CNTN5: variants seen among roughly 807,000 people sequenced by gnomAD.
The protein encoded by CNTN5 is contactin-5.
In CNTN5, 77 loss-of-function variants were observed where a neutral mutation model predicts 129.1. The ratio of observed to expected loss-of-function variants is 0.60; its 90% CI spans 0.50 to 0.72. CNTN5 has a LOEUF of 0.72. Among genes scored for constraint, CNTN5 ranks in the 30% least tolerant of loss-of-function variants. CNTN5 has a pLI of 0.00. For missense variants in CNTN5, 1,478 were observed against 1,328.8 expected (o/e 1.11, Z -1.75); for synonymous variants, 509 against 465.6 (o/e 1.09, Z -1.20).
chr11:99,393,725 T>G (rs1320447734), intron 2 of CNTN5, among the ~76,000 whole-genome samples: 6 of 151,804 alleles, frequency 4.0e-5, no homozygotes, highest in East Asian at 1.9e-4. Context: ...AGAATTCCAT[T>G]TTTGTAAAAC....
intron 2 of CNTN5, among the ~76,000 whole-genome samples, chr11:99,524,716 T>C (rs941841173): frequency 6.6e-6 from 1 of 151,906 alleles, no homozygotes; most frequent in African/African-American, 2.4e-5. Flanking sequence ...GGAACAAGAA[T>C]TGTGTGAACC....
chr11:99,142,393 G>A (rs1397148464), intron 1 of CNTN5, among the ~76,000 whole-genome samples: 3 of 152,142 alleles, frequency 2.0e-5, no homozygotes, highest in Non-Finnish European at 2.9e-5. Flanking sequence ...GCAGCAGGGG[G>A]AATCTGCAGG....
chr11:99,203,664 A>G (rs1192727895), intron 1 of CNTN5, among the ~76,000 whole-genome samples: 1 of 151,856 alleles, frequency 6.6e-6, no homozygotes, highest in Admixed American at 6.6e-5. Flanking sequence ...ATCTCGGCTC[A>G]CTGCAACCTC....
intron 3 of CNTN5, among the ~76,000 whole-genome samples, chr11:99,758,401 A>G (rs1944471618): frequency 6.6e-6 from 1 of 152,098 alleles, no homozygotes; most frequent in Non-Finnish European, 1.5e-5. Context: ...CGTATAACAT[A>G]TAAAGCATTA....
intron 6 of CNTN5, among the ~76,000 whole-genome samples, chr11:99,911,074 A>G (rs1438384143): frequency 1.3e-5 from 2 of 152,104 alleles, no homozygotes; most frequent in African/African-American, 4.8e-5. Context: ...AATCTTTCAT[A>G]TAATATATAT....
chr11:100,210,547 G>C (rs1949010566), intron 15 of CNTN5, among the ~76,000 whole-genome samples: 1 of 144,544 alleles, frequency 6.9e-6, no homozygotes, highest in South Asian at 2.6e-4. Flanking sequence ...AAAGATATTT[G>C]AAGATAAAAA....
chr11:99,069,261 TA>T (rs1219250354), intron 1 of CNTN5, among the ~76,000 whole-genome samples: 1 of 152,106 alleles, frequency 6.6e-6, no homozygotes, highest in Non-Finnish European at 1.5e-5. Flanking sequence ...ATTTTTGCTG[TA>T]ACTCTTTATA....
intron 3 of CNTN5, among the ~76,000 whole-genome samples, chr11:99,588,651 A>G (rs1949884378): frequency 6.6e-6 from 1 of 152,174 alleles, no homozygotes; most frequent in Non-Finnish European, 1.5e-5. Context: ...ACGTTAAAGT[A>G]AAAGGAAAAT....
chr11:100,059,962 A>G (rs1204529758), intron 9 of CNTN5, among the ~76,000 whole-genome samples: 4 of 152,090 alleles, frequency 2.6e-5, no homozygotes, highest in African/African-American at 9.7e-5. Context: ...TAATCCCAGC[A>G]CTTTGGGAGG....
chr11:100,294,120 G>T (rs977451680), intron 18 of CNTN5, among the ~76,000 whole-genome samples: 1 of 151,494 alleles, frequency 6.6e-6, no homozygotes, highest in African/African-American at 2.4e-5. Context: ...CCCAGGTCTC[G>T]AAAAGAGCTG....
chr11:99,902,242 G>GTTTTTTT (rs35494270), intron 6 of CNTN5, among the ~76,000 whole-genome samples: 1 of 143,720 alleles, frequency 7.0e-6, no homozygotes, highest in African/African-American at 2.6e-5. Flanking sequence ...AAGCTAAGGA[G>GTTTTTTT]TTTTTTTTTT....
intron 16 of CNTN5, among the ~76,000 whole-genome samples, chr11:100,232,436 A>C (rs151172336): frequency 6.6e-6 from 1 of 152,302 alleles, no homozygotes; most frequent in African/African-American, 2.4e-5. Context: ...CTTGGAAGTA[A>C]ATGATGGCCT....
intron 1 of CNTN5, among the ~76,000 whole-genome samples, chr11:99,123,773 A>G (rs1336575756): frequency 6.6e-6 from 1 of 151,870 alleles, no homozygotes; most frequent in Non-Finnish European, 1.5e-5. Flanking sequence ...ATGGCTAGCC[A>G]GTTATCCTAG....
chr11:99,454,945 C>T (rs1277257111), intron 2 of CNTN5, among the ~76,000 whole-genome samples: 1 of 151,796 alleles, frequency 6.6e-6, no homozygotes, highest in African/African-American at 2.4e-5. Flanking sequence ...AAGCATTGAG[C>T]CAACACAAAG....
At chr11:100,271,039 T>C (rs911612160) in intron 17 of CNTN5, 53 bp from the exon 18 acceptor site, 28 of 1,407,458 alleles carry the variant, frequency 2.0e-5, no homozygotes, top group Non-Finnish European at 2.5e-5. Flanking sequence ...GATTGCCATT[T>C]GTAGCATTTT....
At chr11:99,771,145 A>G (rs1201671347) in intron 3 of CNTN5, among the ~76,000 whole-genome samples, 2 of 152,046 alleles carry the variant, frequency 1.3e-5, no homozygotes, top group Non-Finnish European at 2.9e-5. Flanking sequence ...TTTTCTTGTT[A>G]AATTCTTGGG....
intron 3 of CNTN5, among the ~76,000 whole-genome samples, chr11:99,583,782 G>A (rs897832739): frequency 1.3e-5 from 2 of 152,096 alleles, no homozygotes; most frequent in East Asian, 1.9e-4. Flanking sequence ...CCGGGTGAGG[G>A]GATGCCTCAC....
chr11:99,024,440 G>T (rs1162126874), intron 1 of CNTN5, among the ~76,000 whole-genome samples: 2 of 152,010 alleles, frequency 1.3e-5, no homozygotes, highest in Non-Finnish European at 2.9e-5. Context: ...TTTTACAATG[G>T]ATTTCTTTCA....
At chr11:99,274,340 A>T (rs1395163087) in intron 1 of CNTN5, among the ~76,000 whole-genome samples, 2 of 151,864 alleles carry the variant, frequency 1.3e-5, no homozygotes, top group East Asian at 3.9e-4. Flanking sequence ...ATGTGTTAAC[A>T]TTCTAAAATA....
Sources: gnomAD v4.1 joint callset for allele counts (sites outside exome capture counted in the v4.1 genomes callset) on GRCh38, gnomAD v4.1.1 for gene constraint, MANE v1.5 for transcripts, NCBI Gene and HGNC (gene_info 2026-07-23, HGNC 2026-07-21) for gene names.